Variants in ZNF763 observed in about 807,000 individuals in gnomAD.
ZNF763 encodes the protein zinc finger protein 763.
Under a neutral mutation model 38.0 loss-of-function variants are expected in ZNF763, and 33 were observed. The ratio of observed to expected loss-of-function variants is 0.87; its 90% confidence interval spans 0.66 to 1.16. The LOEUF (loss-of-function observed/expected upper bound fraction) is 1.16, where lower values mean the gene tolerates loss of function less well. ZNF763 is among the 50% of genes most tolerant of loss of function. The probability of loss-of-function intolerance (pLI) is 0.00; values close to 1 mark genes in which losing one functional copy is unlikely to be tolerated. For synonymous variants in ZNF763, 155 were observed against 160.1 expected (o/e 0.97, Z 0.24); for missense variants, 423 against 469.1 (o/e 0.90, Z 0.91).
chr19:11,976,883 C>G, intron 1 of ZNF763, 155 bp from the exon 2 acceptor site: 1 of 1,495,376 alleles, frequency 6.7e-7, no homozygotes, highest in South Asian at 1.4e-5. Flanking sequence ...AACAAAAATG[C>G]TTTATGGAAG....
rs1973574506 is a variant in ZNF763 at position 11,979,464 on chromosome 19, G to A, written c.*355G>A. On this transcript the variant is annotated 3_prime_UTR_variant, in exon 4 of 4. Coordinates refer to ENST00000358987, the MANE Select transcript of ZNF763 (RefSeq NM_001367172.2). Reference sequence around the variant, plus strand: ...CACTCTGGAGAAAGACCTTATAAATGTAAGACATGTGGGAAAGGCTTTTAT... The same window carrying A: ...CACTCTGGAGAAAGACCTTATAAATATAAGACATGTGGGAAAGGCTTTTAT... 3 of 1,604,862 alleles carry A rather than the reference G, an allele frequency of 1.9e-6. No individual in the cohort carries two copies. The highest frequency in any genetic ancestry group is 2.7e-5 in the African/African-American group (2 of 74,362).
chr19:11,979,735 C>T lies in ZNF763; in HGVS notation c.*626C>T. ...ACGAGTGTAAGCAATGTGGGAAAGC[C>T]TTCAGATCTGCCCCACACCTTCGAA... On this transcript the variant is annotated 3_prime_UTR_variant, in exon 4 of 4. Transcript: ENST00000358987. The T allele has an allele frequency of 1.3e-6, 2 of 1,596,866 alleles. No homozygotes were observed. Among genetic ancestry groups the T allele is most frequent in the Non-Finnish European group, 1.7e-6 (2 of 1,166,680 alleles).
intron 1 of ZNF763, among the ~76,000 whole-genome samples, chr19:11,976,488 A>G (rs947475480): frequency 3.3e-5 from 5 of 149,420 alleles, no homozygotes; most frequent in African/African-American, 5.0e-5. Flanking sequence ...CTCAGGAGGA[A>G]GAGGTTGTAG....
chr19:11,967,956 T>C (rs1973271412), intron 1 of ZNF763, among the ~76,000 whole-genome samples: 1 of 152,190 alleles, frequency 6.6e-6, no homozygotes, highest in African/African-American at 2.4e-5. Context: ...AAAACATAAC[T>C]ATAATTATCT....
intron 1 of ZNF763, among the ~76,000 whole-genome samples, chr19:11,965,953 T>G (rs1309307774): frequency 6.6e-6 from 1 of 152,100 alleles, no homozygotes; most frequent in East Asian, 1.9e-4. Flanking sequence ...GTTGAGGGAT[T>G]CTGTAGGTGG....
In ZNF763 at chr19:11,980,463, C is replaced by T. The variant is rs1005611127; in HGVS notation, c.*1354C>T. The T allele has an allele frequency of 6.5e-6, 1 of 152,830 alleles. No homozygotes were observed. Among genetic ancestry groups the T allele is most frequent in the East Asian group, 1.9e-4 (1 of 5,202 alleles). The allele number at this position is 152,830 out of a possible 1,614,324, so 9.5% of individuals were successfully genotyped here. On this transcript the variant is annotated 3_prime_UTR_variant, in exon 4 of 4. Coordinates refer to ENST00000358987, the MANE Select transcript of ZNF763 (RefSeq NM_001367172.2). ...CCTGGAGCTGTTTTTGCCTTATTCT[C>T]TAAAGACTAAAATATTTCATAAAAT...
intron 1 of ZNF763, among the ~76,000 whole-genome samples, chr19:11,974,126 T>TTTCTTTCTTTCTTTTCTTTC (rs1177618111): frequency 5.4e-4 from 30 of 55,076 alleles, no homozygotes; most frequent in Non-Finnish European, 9.0e-4. Context: ...TCTTTCTTTC[T>TTTCTTTCTTTCTTTTCTTTC]TTTCTTTCTT....
intron 1 of ZNF763, among the ~76,000 whole-genome samples, chr19:11,966,957 C>T (rs1973243853): frequency 1.3e-5 from 2 of 152,162 alleles, no homozygotes; most frequent in Admixed American, 6.5e-5. Flanking sequence ...AAGAGGTCCT[C>T]ATCAGACCCC....
chr19:11,968,704 A>G (rs1398923501), intron 1 of ZNF763, among the ~76,000 whole-genome samples: 1 of 152,138 alleles, frequency 6.6e-6, no homozygotes, highest in Non-Finnish European at 1.5e-5. Context: ...TTAAGAGGGA[A>G]ATTAGTGTAC....
At chr19:11,972,681 C>T (rs896672481) in intron 1 of ZNF763, among the ~76,000 whole-genome samples, 1 of 152,116 alleles carries the variant, frequency 6.6e-6, no homozygotes, top group African/African-American at 2.4e-5. Context: ...AGTTAATTCA[C>T]TTTCTTATTT....
In ZNF763 at chr19:11,980,317, G is replaced by GT. The variant is rs1314482836; in HGVS notation, c.*1210dup. The GT allele has an allele frequency of 8.5e-6, 2 of 234,736 alleles. No homozygotes were observed. The highest frequency in any genetic ancestry group is 1.6e-5 in the Non-Finnish European group (2 of 122,804). 14.5% of individuals were successfully genotyped at this position (234,736 alleles called of 1,614,324 possible). A position where few individuals can be genotyped will look rare whatever the true frequency, so the allele number is the denominator to read the frequency against. The stretch of plus-strand genomic sequence containing the variant: ...AATCGCTTGAATCTGGGGGGCAGAG[G>GT]TTGCAGTGAGCCAAGATTGTGCCAT... On this transcript the variant is annotated 3_prime_UTR_variant, in exon 4 of 4. Transcript: ENST00000358987.
At chr19:11,973,339 C>A (rs114118228) in intron 1 of ZNF763, among the ~76,000 whole-genome samples, 316 of 152,210 alleles carry the variant, frequency 2.1e-3, no homozygotes, top group African/African-American at 7.1e-3. Context: ...AAAAATATGC[C>A]TTGAAGGTCT....
rs140607947 is a variant in ZNF763 at position 11,968,439 on chromosome 19, G to A, written c.3+3228G>A. ...TTGTATTTTACAGAGGTGGGGTCTCGATATGTTGCTCAGGCTGGTCTCTTG... is the reference window on the plus strand; with the variant it reads ...TTGTATTTTACAGAGGTGGGGTCTCAATATGTTGCTCAGGCTGGTCTCTTG... On this transcript the variant is annotated intron_variant, in intron 1 of 3. Transcript: ENST00000358987. Among the ~76,000 whole-genome samples, 37 of 152,044 alleles carry A rather than the reference G, an allele frequency of 2.4e-4. No homozygotes were observed. The East Asian group carries it at 7.0e-3, about 29-fold the overall frequency.
chr19:11,978,227 T>C lies in ZNF763; in HGVS notation c.303T>C (p.Pro101=). ...RLNFQEKKAS[P]EAKSCDNFVC... is the part of the protein sequence containing the mutation. ...ACTTCCAGGAGAAGAAAGCTTCTCC[T>C]GAAGCAAAATCATGTGATAACTTTG... The change falls in exon 4 of 4, where the codon CCT becomes CCC. Residue 101 remains proline (P), a synonymous_variant. Coordinates refer to ENST00000358987, the MANE Select transcript of ZNF763 (RefSeq NM_001367172.2). The C allele has an allele frequency of 6.2e-7, 1 of 1,614,082 alleles. No individual in the cohort carries two copies. Among genetic ancestry groups the C allele is most frequent in the Non-Finnish European group, 8.5e-7 (1 of 1,179,966 alleles).
At position 11,976,555 on chromosome 19, in the gene ZNF763, C is replaced by CAAAA. The variant is rs1197877281; in HGVS notation, c.4-462_4-459dup. 1.7e-3 allele frequency among the ~76,000 whole-genome samples: 122 copies of CAAAA among 73,802 alleles called. 3 individuals carry two copies. Among genetic ancestry groups the CAAAA allele is most frequent in the African/African-American group, 5.5e-3 (112 of 20,266 alleles). 48.4% of individuals were successfully genotyped at this position (73,802 alleles called of 152,430 possible). On this transcript the variant is annotated intron_variant, in intron 1 of 3. Transcript: ENST00000358987. The stretch of plus-strand genomic sequence containing the variant: ...TGGGCAGCAGAACAAGACTCTGTCT[C>CAAAA]AAAAAAAAAAAAAAAAAAAAAAAAT...
chr19:11,973,554 G>T (rs944108242), intron 1 of ZNF763, among the ~76,000 whole-genome samples: 1 of 151,968 alleles, frequency 6.6e-6, no homozygotes, highest in African/African-American at 2.4e-5. Context: ...TTCTATGGGT[G>T]TTACCATAGT....
rs528419744 is a variant in ZNF763 at position 11,968,877 on chromosome 19, T to A, written c.3+3666T>A. Among the ~76,000 whole-genome samples, 173 of 152,220 alleles carry A rather than the reference T, an allele frequency of 1.1e-3. 1 individual carries two copies. Among genetic ancestry groups the A allele is most frequent in the African/African-American group, 3.9e-3 (163 of 41,526 alleles). On this transcript the variant is annotated intron_variant, in intron 1 of 3. Coordinates refer to ENST00000358987, the MANE Select transcript of ZNF763 (RefSeq NM_001367172.2). ...CAATTGTGAAAAATCATATTAAATT[T>A]AAAAAGACAGTGACAAGGGAAAGGG...
chr19:11,973,141 A>G (rs1599314106), intron 1 of ZNF763, among the ~76,000 whole-genome samples: 1 of 152,156 alleles, frequency 6.6e-6, no homozygotes, highest in Middle Eastern at 3.4e-3. Flanking sequence ...TTATACAGAA[A>G]CGTTTCACTG....
intron 1 of ZNF763, among the ~76,000 whole-genome samples, chr19:11,969,140 T>C (rs576747944): frequency 2.6e-5 from 4 of 152,358 alleles, no homozygotes; most frequent in South Asian, 4.1e-4. Flanking sequence ...GGTCTCACTC[T>C]GTCGGCTAGG....
Sources: gnomAD v4.1 joint callset for allele counts (sites outside exome capture counted in the v4.1 genomes callset) on GRCh38, gnomAD v4.1.1 for gene constraint, MANE v1.5 for transcripts, NCBI Gene and HGNC (gene_info 2026-07-23, HGNC 2026-07-21) for gene names.